GRIK4: variants seen among roughly 807,000 people sequenced by gnomAD.
GRIK4 encodes the protein glutamate ionotropic receptor kainate type subunit 4.
Under a neutral mutation model 104.9 loss-of-function variants are expected in GRIK4, and 40 were observed. The ratio of observed to expected loss-of-function variants is 0.38; its 90% confidence interval spans 0.30 to 0.50. GRIK4 has a LOEUF of 0.50. Ranked by LOEUF, GRIK4 falls within the 20% of genes least tolerant of loss-of-function variation. GRIK4 has a pLI of 0.93. For synonymous variants in GRIK4, 485 were observed against 524.9 expected (o/e 0.92, Z 1.04); for missense variants, 1,047 against 1,308.1 (o/e 0.80, Z 3.08).
In GRIK4 at chr11:120,986,039, A is replaced by C; in HGVS notation, c.2650A>C (p.Thr884Pro). ...CCCCGAGGAGCGCCGACCGCGGGGC[A>C]CGGCGACGCTCAGCAACGGGAAGCT... Reference protein sequence around the residue: ...PIPEERRPRGTATLSNGKLCG... With the variant: ...PIPEERRPRGPATLSNGKLCG... Residue 884 changes from threonine (T) to proline (P), a missense_variant, in exon 21 of 21, where the codon ACG becomes CCG. Around this residue, in one of 3 missense-constraint regions of GRIK4, gnomAD observed 160 missense variants for 140.9 expected, o/e 1.14. Coordinates refer to ENST00000527524, the MANE Select transcript of GRIK4 (RefSeq NM_014619.5). 1.3e-6 allele frequency: 2 copies of C among 1,522,960 alleles called. No homozygotes were observed. Among genetic ancestry groups the C allele is most frequent in the Non-Finnish European group, 1.8e-6 (2 of 1,137,060 alleles). 94.3% of individuals were successfully genotyped at this position (1,522,960 alleles called of 1,614,324 possible).
chr11:120,792,059 G>A (rs183481235), intron 3 of GRIK4, among the ~76,000 whole-genome samples: 42 of 152,248 alleles, frequency 2.8e-4, no homozygotes, highest in African/African-American at 9.6e-4. Flanking sequence ...AATGATGGGC[G>A]TACATTATAG....
At chr11:120,602,038 T>C (rs898494379) in intron 1 of GRIK4, among the ~76,000 whole-genome samples, 1 of 152,100 alleles carries the variant, frequency 6.6e-6, no homozygotes, top group Non-Finnish European at 1.5e-5. Context: ...CTCTTTGATT[T>C]TGCCAGAGTC....
chr11:120,533,745 G>C (rs746433576), intron 1 of GRIK4, among the ~76,000 whole-genome samples: 5 of 152,154 alleles, frequency 3.3e-5, no homozygotes, highest in African/African-American at 1.2e-4. Flanking sequence ...GGGTGTGGTA[G>C]TGCGTGCCTG....
intron 16 of GRIK4, 115 bp from the exon 17 acceptor site, chr11:120,960,794 C>T: frequency 1.4e-6 from 1 of 729,324 alleles, no homozygotes; most frequent in Middle Eastern, 4.0e-4. Context: ...AAGCTGAAAG[C>T]TCTTTCATAA....
intron 14 of GRIK4, among the ~76,000 whole-genome samples, chr11:120,948,458 C>T (rs1017714289): frequency 6.6e-6 from 1 of 152,136 alleles, no homozygotes; most frequent in Non-Finnish European, 1.5e-5. Context: ...CTGTCAATGA[C>T]GTCTTTGGGT....
intron 3 of GRIK4, among the ~76,000 whole-genome samples, chr11:120,666,218 G>C (rs2135253915): frequency 6.6e-6 from 1 of 152,370 alleles, no homozygotes; most frequent in South Asian, 2.1e-4. Flanking sequence ...AAGGCAGGTT[G>C]AAGTGAGCAC....
chr11:120,648,776 T>C (rs1340255928), intron 1 of GRIK4, among the ~76,000 whole-genome samples: 1 of 151,770 alleles, frequency 6.6e-6, no homozygotes, highest in Non-Finnish European at 1.5e-5. Context: ...TTCTTTATTG[T>C]GTTTGTAATT....
chr11:120,787,865 T>C (rs398045778), intron 3 of GRIK4, among the ~76,000 whole-genome samples: 26,741 of 113,248 alleles, frequency 0.24, 3,505 homozygotes, highest in East Asian at 0.45. Context: ...TTTTTTTTTT[T>C]TTTTTTTTTT....
chr11:120,895,103 C>T (rs868355204), intron 11 of GRIK4, among the ~76,000 whole-genome samples: 4 of 152,086 alleles, frequency 2.6e-5, no homozygotes, highest in Non-Finnish European at 5.9e-5. Context: ...TTGGATCTGG[C>T]TCTGGGTGTA....
chr11:120,946,764 A>G (rs1259993765), intron 14 of GRIK4, among the ~76,000 whole-genome samples: 1 of 152,226 alleles, frequency 6.6e-6, no homozygotes, highest in Non-Finnish European at 1.5e-5. Flanking sequence ...TGCAGGGGGC[A>G]TTGAAACCAG....
chr11:120,684,579 G>A (rs1456745691), intron 3 of GRIK4, among the ~76,000 whole-genome samples: 1 of 152,236 alleles, frequency 6.6e-6, no homozygotes. Context: ...AGTGTTCAAT[G>A]AATGATGCAG....
chr11:120,982,756 A>G (rs981230464), intron 20 of GRIK4, among the ~76,000 whole-genome samples: 8 of 152,136 alleles, frequency 5.3e-5, no homozygotes, highest in Admixed American at 3.9e-4. Context: ...TTTTTTTTAA[A>G]AGTTACATTA....
At chr11:120,904,983 AAAAAG>A (rs1942833750) in intron 12 of GRIK4, among the ~76,000 whole-genome samples, 1 of 152,176 alleles carries the variant, frequency 6.6e-6, no homozygotes, top group African/African-American at 2.4e-5. Context: ...GGGGTAGAAA[AAAAAG>A]AGAGAGATAG....
chr11:120,981,573 CG>C (rs1189482312), intron 19 of GRIK4, among the ~76,000 whole-genome samples: 4 of 152,224 alleles, frequency 2.6e-5, no homozygotes, highest in Admixed American at 2.6e-4. Flanking sequence ...GTGAACCACT[CG>C]TTTGGTGGGA....
intron 6 of GRIK4, among the ~76,000 whole-genome samples, chr11:120,828,543 G>T (rs754231934): frequency 2.6e-5 from 4 of 152,138 alleles, no homozygotes; most frequent in Non-Finnish European, 5.9e-5. Flanking sequence ...TTATTCCACA[G>T]AAAAGGAAAC....
At chr11:120,628,647 T>A (rs561075168) in intron 1 of GRIK4, among the ~76,000 whole-genome samples, 1 of 152,132 alleles carries the variant, frequency 6.6e-6, no homozygotes, top group South Asian at 2.1e-4. Context: ...GTTTCACTGA[T>A]GGGTGGAGGA....
intron 3 of GRIK4, among the ~76,000 whole-genome samples, chr11:120,673,971 T>C (rs1000899435): frequency 6.6e-6 from 1 of 152,230 alleles, no homozygotes; most frequent in Non-Finnish European, 1.5e-5. Flanking sequence ...TCTATCTCTC[T>C]GTGCCTACCG....
intron 11 of GRIK4, among the ~76,000 whole-genome samples, chr11:120,884,694 T>A (rs892896869): frequency 2.0e-5 from 3 of 152,232 alleles, no homozygotes; most frequent in African/African-American, 7.2e-5. Context: ...CCTATGAGAA[T>A]CCCAGCACCC....
intron 19 of GRIK4, among the ~76,000 whole-genome samples, chr11:120,970,815 G>A (rs995759160): frequency 2.6e-5 from 4 of 152,074 alleles, no homozygotes; most frequent in African/African-American, 7.2e-5. Context: ...ACCCTCCTGC[G>A]TATGTGTTTG....
Sources: gnomAD v4.1 joint callset for allele counts (sites outside exome capture counted in the v4.1 genomes callset) on GRCh38, gnomAD v4.1.1 for gene constraint, gnomAD v4.1.1 regional missense constraint, MANE v1.5 for transcripts, NCBI Gene and HGNC (gene_info 2026-07-23, HGNC 2026-07-21) for gene names.